PRKN: variants seen among roughly 807,000 people sequenced by gnomAD.
The protein encoded by PRKN is E3 ubiquitin-protein ligase parkin.
Under a neutral mutation model 59.5 loss-of-function variants are expected in PRKN, and 56 were observed. That is an observed-to-expected ratio of 0.94 (90% CI 0.76 to 1.18). The LOEUF is 1.18. PRKN is among the 50% of genes most tolerant of loss of function. The pLI is 0.00. For synonymous variants in PRKN, 250 were observed against 222.1 expected, an observed-to-expected ratio of 1.13 and a Z score of -1.12; for missense variants, 657 against 596.4, an observed-to-expected ratio of 1.10 and a Z score of -1.06.
rs1786617910 is a variant in PRKN, at chr6:161,393,709, C to T, written c.1084-6832G>A. ...CAGGTTGAGAGCCAGTAGGTACCTA[C>T]AAGCAATGACCCTTAAAATAAGGCT... On this transcript the variant is annotated intron_variant, in intron 9 of 11. Transcript: ENST00000366898. This position sits in a 1 kb window ranked among gnomAD's most constrained non-coding sequence, Gnocchi z 4.7. Among the ~76,000 whole-genome samples the T allele has an allele frequency of 6.6e-6, 1 of 151,152 alleles. No homozygotes were observed. Among genetic ancestry groups the T allele is most frequent in the South Asian group, 2.1e-4 (1 of 4,750 alleles).
At chr6:161,577,987 T>C (rs1781197767) in intron 7 of PRKN, among the ~76,000 whole-genome samples, 2 of 152,224 alleles carry the variant, frequency 1.3e-5, no homozygotes. Context: ...GTACACTTAC[T>C]ATGCGTAACG....
Position 162,144,563 on chromosome 6 carries a change from C to T in PRKN, c.534+56568G>A, listed in dbSNP as rs139056055. ...GGAGCTGGCTTCCCTACAATGTCTGCAGTAGGTGCACACGAACTGTAGGAC... is the reference window on the plus strand; with the variant it reads ...GGAGCTGGCTTCCCTACAATGTCTGTAGTAGGTGCACACGAACTGTAGGAC... On this transcript the variant is annotated intron_variant, in intron 4 of 11. Transcript: ENST00000366898. 1.2e-3 allele frequency among the ~76,000 whole-genome samples: 188 copies of T among 152,264 alleles called. 2 individuals carry two copies. Among genetic ancestry groups the T allele is most frequent in the African/African-American group, 4.2e-3 (173 of 41,540 alleles).
intron 2 of PRKN, among the ~76,000 whole-genome samples, chr6:162,272,354 CTTCTTTTTTCT>C (rs1339157196): frequency 7.2e-5 from 11 of 152,214 alleles, no homozygotes; most frequent in African/African-American, 2.6e-4. Context: ...TCAAGTATCA[CTTCTTTTTTCT>C]TTAAGTATTA....
At chr6:161,598,303 A>G (rs937501136) in intron 7 of PRKN, among the ~76,000 whole-genome samples, 1 of 152,250 alleles carries the variant, frequency 6.6e-6, no homozygotes, top group African/African-American at 2.4e-5. Flanking sequence ...TGCATTTATC[A>G]GCATGAAAGT....
intron 1 of PRKN, among the ~76,000 whole-genome samples, chr6:162,567,415 G>A (rs1179985346): frequency 1.3e-5 from 2 of 152,170 alleles, no homozygotes; most frequent in South Asian, 2.1e-4. Context: ...CCCAAATTCA[G>A]TAGAGTTGCA....
chr6:162,678,457 C>A (rs1244676986), intron 1 of PRKN, among the ~76,000 whole-genome samples: 1 of 152,154 alleles, frequency 6.6e-6, no homozygotes, highest in African/African-American at 2.4e-5. Context: ...GTATCCTCAC[C>A]CGTACTTGGC....
chr6:161,374,513 G>A (rs1225692366), intron 10 of PRKN, among the ~76,000 whole-genome samples: 1 of 142,436 alleles, frequency 7.0e-6, no homozygotes, highest in African/African-American at 2.6e-5. Flanking sequence ...ATGTATGTGT[G>A]GTGTGTGTAA....
At chr6:162,089,757 G>A (rs879790299) in intron 4 of PRKN, among the ~76,000 whole-genome samples, 2 of 152,140 alleles carry the variant, frequency 1.3e-5, no homozygotes, top group African/African-American at 2.4e-5. Flanking sequence ...ACTTTTAAAC[G>A]TCATAAGCGA....
chr6:161,839,486 G>A (rs1371338085), intron 6 of PRKN, among the ~76,000 whole-genome samples: 2 of 152,080 alleles, frequency 1.3e-5, no homozygotes, highest in Admixed American at 1.3e-4. Flanking sequence ...AGGGAGCACA[G>A]CACTGCATCC....
intron 4 of PRKN, among the ~76,000 whole-genome samples, chr6:162,070,371 T>C (rs879803616): frequency 5.9e-5 from 9 of 152,160 alleles, no homozygotes; most frequent in Non-Finnish European, 1.3e-4. Context: ...CATATTTTAG[T>C]AAAAGTGTGA....
chr6:161,381,254 T>C (rs1487663299), intron 10 of PRKN, among the ~76,000 whole-genome samples: 1 of 152,108 alleles, frequency 6.6e-6, no homozygotes, highest in African/African-American at 2.4e-5. Flanking sequence ...GAGTGACCAG[T>C]AAGAACAATG....
In PRKN at chr6:161,349,803, G is replaced by T. The variant is rs1357576178; in HGVS notation, c.*296C>A. On this transcript the variant is annotated 3_prime_UTR_variant, in exon 12 of 12. Coordinates refer to ENST00000366898, the MANE Select transcript of PRKN (RefSeq NM_004562.3). This position sits in a 1 kb window ranked among gnomAD's most constrained non-coding sequence, Gnocchi z 5.5. ...TGCTCTGGTATTTGTGTCATCCGGA[G>T]GCTGAGAACGCCTGTTGGTGGTGTC... 1 of 510,800 alleles carries T rather than the reference G, an allele frequency of 2.0e-6. No individual in the cohort carries two copies. 31.6% of individuals were successfully genotyped at this position (510,800 alleles called of 1,614,324 possible).
At position 161,375,323 on chromosome 6, in the gene PRKN, C is replaced by T. The variant is rs559348251; in HGVS notation, c.1167+11471G>A. Among the ~76,000 whole-genome samples the T allele has an allele frequency of 3.6e-4, 55 of 152,264 alleles. 1 individual carries two copies. Among genetic ancestry groups the T allele is most frequent in the Admixed American group, 3.3e-3 (50 of 15,310 alleles). ...GAAGGGTTTCTGCAGTGCAGGAGAG[C>T]GCTTGGAGAGCCCCAGCCCCAGGTC... On this transcript the variant is annotated intron_variant, in intron 10 of 11. Coordinates refer to ENST00000366898, the MANE Select transcript of PRKN (RefSeq NM_004562.3).
At chr6:161,630,104 T>C (rs1783243794) in intron 7 of PRKN, among the ~76,000 whole-genome samples, 1 of 152,308 alleles carries the variant, frequency 6.6e-6, no homozygotes. Context: ...TTCAATTTGA[T>C]TGAATTTCAC....
intron 5 of PRKN, among the ~76,000 whole-genome samples, chr6:162,047,039 T>C (rs1039488624): frequency 1.3e-5 from 2 of 152,292 alleles, no homozygotes; most frequent in Admixed American, 1.3e-4. Flanking sequence ...TCACCCCAAA[T>C]TGCATGTCAG....
At chr6:162,346,867 A>G (rs966098160) in intron 2 of PRKN, among the ~76,000 whole-genome samples, 1 of 152,012 alleles carries the variant, frequency 6.6e-6, no homozygotes, top group Non-Finnish European at 1.5e-5. Flanking sequence ...TGAGATATAT[A>G]TCTATGGATA....
Position 161,662,305 on chromosome 6 carries a change from C to T in PRKN, c.872-92889G>A, listed in dbSNP as rs1387033214. Among the ~76,000 whole-genome samples, 7 of 152,254 alleles carry T rather than the reference C, an allele frequency of 4.6e-5. No homozygotes were observed. In the South Asian group the frequency reaches 1.2e-3, roughly 27 times the overall value. On this transcript the variant is annotated intron_variant, in intron 7 of 11. Transcript: ENST00000366898. ...GGATGCAGACAGTCGCTGCCTCCAC[C>T]GAGGAGGGCGTGCATCTCTTCACCC...
chr6:161,922,756 C>T (rs1161707143), intron 6 of PRKN, among the ~76,000 whole-genome samples: 1 of 152,090 alleles, frequency 6.6e-6, no homozygotes, highest in South Asian at 2.1e-4. Flanking sequence ...TTACAGGAGT[C>T]TAAGAATAAA....
At chr6:162,630,274 T>C (rs924364050) in intron 1 of PRKN, among the ~76,000 whole-genome samples, 1 of 152,170 alleles carries the variant, frequency 6.6e-6, no homozygotes, top group African/African-American at 2.4e-5. Flanking sequence ...CTAAGCTTTA[T>C]ACTGTCCTGC....
Sources: allele counts gnomAD v4.1 joint callset (sites outside exome capture counted in the v4.1 genomes callset), GRCh38; gene constraint gnomAD v4.1.1; non-coding constraint Gnocchi (gnomAD v3.1); transcripts MANE v1.5; gene names NCBI Gene and HGNC (gene_info 2026-07-23, HGNC 2026-07-21).